The following ADGRG2 variants were observed in gnomAD, a reference collection of about 807,000 sequenced individuals.
ADGRG2 encodes adhesion G protein-coupled receptor G2.
In ADGRG2, 26 loss-of-function variants were observed where a neutral mutation model predicts 74.1. The ratio of observed to expected loss-of-function variants is 0.35; its 90% CI spans 0.26 to 0.49. The LOEUF (loss-of-function observed/expected upper bound fraction) is 0.49. ADGRG2 is among the 20% of genes least tolerant of loss of function. The probability of loss-of-function intolerance (pLI) is 0.99; values close to 1 mark genes in which losing one functional copy is unlikely to be tolerated. For missense variants in ADGRG2, 619 were observed against 763.1 expected, an observed-to-expected ratio of 0.81 and a Z score of 2.22; for synonymous variants, 296 against 295.2, an observed-to-expected ratio of 1.00 and a Z score of -0.03.
At chrX:19,052,702 T>C (rs2061344314) in intron 3 of ADGRG2, among the ~76,000 whole-genome samples, 1 of 108,699 alleles carries the variant, frequency 9.2e-6, no homozygotes, top group Non-Finnish European at 1.9e-5. Flanking sequence ...AACCTTTTTT[T>C]TTTCCAAGAT....
At position 19,084,384 on chromosome X, in the gene ADGRG2, G is replaced by A. The variant is rs145131716; in HGVS notation, c.-46-1638C>T. On this transcript the variant is annotated intron_variant, in intron 1 of 28. Transcript: ENST00000379869. ...TGCTGGGCTTAATACCTAGGTGATG[G>A]GTTGATAGGTATAGCAAATCACCAT... Among the ~76,000 whole-genome samples the A allele has an allele frequency of 6.2e-3, 688 of 110,500 alleles. 5 individuals are homozygous for A. The highest frequency in any genetic ancestry group is 0.022 in the African/African-American group (662 of 30,336).
At chrX:19,011,970 T>G (rs773534277) in intron 16 of ADGRG2, among the ~76,000 whole-genome samples, 1 of 112,543 alleles carries the variant, frequency 8.9e-6, no homozygotes, top group Admixed American at 9.4e-5. Flanking sequence ...CCACTTAACA[T>G]CCTATTATTT....
At chrX:19,044,997 T>C (rs1362866571) in intron 3 of ADGRG2, among the ~76,000 whole-genome samples, 3 of 111,620 alleles carry the variant, frequency 2.7e-5, no homozygotes, top group South Asian at 3.8e-4. Flanking sequence ...ATCTAGTCCA[T>C]GAGTTCTTAA....
intron 3 of ADGRG2, among the ~76,000 whole-genome samples, chrX:19,044,728 C>T (rs1305612951): frequency 9.0e-6 from 1 of 111,336 alleles, no homozygotes. Flanking sequence ...ATCCCCAACT[C>T]CCACCTCCAT....
intron 3 of ADGRG2, among the ~76,000 whole-genome samples, chrX:19,047,612 A>G (rs2061220374): frequency 8.9e-6 from 1 of 112,255 alleles, no homozygotes. Flanking sequence ...CCTTGCATGA[A>G]TATTTTCAAC....
intron 1 of ADGRG2, among the ~76,000 whole-genome samples, chrX:19,105,116 CT>C: frequency 9.1e-6 from 1 of 110,246 alleles, no homozygotes; most frequent in Non-Finnish European, 1.9e-5. Context: ...TTCCTTCTTT[CT>C]TTTTCTGCTG....
intron 11 of ADGRG2, among the ~76,000 whole-genome samples, chrX:19,024,896 C>T (rs762474386): frequency 1.2e-4 from 14 of 112,436 alleles, no homozygotes; most frequent in Non-Finnish European, 1.9e-5. Flanking sequence ...GATCCTCCTG[C>T]CTCAGCCTCC....
chrX:19,053,156 CT>C (rs1339029207), intron 3 of ADGRG2, among the ~76,000 whole-genome samples: 4 of 111,527 alleles, frequency 3.6e-5, no homozygotes, highest in Non-Finnish European at 7.5e-5. Context: ...CCCCTTGCCC[CT>C]GTTCCTGACA....
rs367738993 is a variant in ADGRG2 at position 19,053,350 on chromosome X, C to T, written c.119-13126G>A. 1.7e-4 allele frequency among the ~76,000 whole-genome samples: 19 copies of T among 110,483 alleles called. No homozygotes were observed. The East Asian group carries it at 3.7e-3, about 22-fold the overall frequency. On this transcript the variant is annotated intron_variant, in intron 3 of 28. Coordinates refer to ENST00000379869, the MANE Select transcript of ADGRG2 (RefSeq NM_001079858.3). Reference sequence around the variant, plus strand: ...CTAAGGTAAAAGTGAGAGGATTTTGCGGGGCGGAGGGGGGGTCACTGGGAT... The same window carrying T: ...CTAAGGTAAAAGTGAGAGGATTTTGTGGGGCGGAGGGGGGGTCACTGGGAT...
At chrX:18,993,839 C>T (rs751951042) in intron 28 of ADGRG2, among the ~76,000 whole-genome samples, 7 of 111,718 alleles carry the variant, frequency 6.3e-5, no homozygotes, top group Non-Finnish European at 1.1e-4. Context: ...GGCAAATTCT[C>T]CATGGAAGGA....
rs768959576 is a variant in ADGRG2, at chrX:19,009,834, C to T, written c.1266-52G>A. 52 of 989,097 alleles carry T rather than the reference C, an allele frequency of 5.3e-5. No individual in the cohort carries two copies. In the African/African-American group the frequency reaches 5.5e-4, roughly 10 times the overall value. 81.5% of individuals were successfully genotyped at this position (989,097 alleles called of 1,213,427 possible). A position where few individuals can be genotyped will look rare whatever the true frequency, so the allele number is the denominator to read the frequency against. On this transcript the variant is annotated intron_variant, in intron 17 of 28. Transcript: ENST00000379869. Reference sequence around the variant, plus strand: ...ATTTATTTATTTATTTATTTTGAGACGGAGTCTCGCTCTGTTGCCAGGCTG... The same window carrying T: ...ATTTATTTATTTATTTATTTTGAGATGGAGTCTCGCTCTGTTGCCAGGCTG...
chrX:18,990,885 T>A lies in ADGRG2; in HGVS notation c.3033A>T (p.Leu1011Phe), dbSNP rs779987308. 2 of 1,202,125 alleles carry A rather than the reference T, an allele frequency of 1.7e-6. No homozygotes were observed. The highest frequency in any genetic ancestry group is 1.7e-5 in the African/African-American group (1 of 57,152). Residue 1011 changes from leucine to phenylalanine, a missense_variant, in exon 29 of 29, where the codon TTA becomes TTT. Physicochemically the swap from Leu to Phe is conservative, Grantham distance 22. This residue lies in a region of ADGRG2 where 106 missense variants were observed against 104.5 expected (regional missense o/e 1.01). Transcript: ENST00000379869. ...GGAATCACATTTGCTCAATAAAGTGTAAGCTTCCCCGCTTTGAAGTCCTTC... is the reference window on the plus strand; with the variant it reads ...GGAATCACATTTGCTCAATAAAGTGAAAGCTTCCCCGCTTTGAAGTCCTTC... Reference protein sequence around the residue: ...ALRRTSKRGSLHFIEQM With the variant: ...ALRRTSKRGSFHFIEQM
intron 2 of ADGRG2, among the ~76,000 whole-genome samples, chrX:19,073,824 T>C: frequency 8.9e-6 from 1 of 111,809 alleles, no homozygotes; most frequent in Non-Finnish European, 1.9e-5. Context: ...TGACCTGAGT[T>C]ATAAGAGGTA....
chrX:19,026,306 T>C (rs750409129), intron 11 of ADGRG2, among the ~76,000 whole-genome samples: 1 of 112,694 alleles, frequency 8.9e-6, no homozygotes, highest in East Asian at 2.8e-4. Context: ...CAAAAGTTTA[T>C]AACAATCTCA....
At chrX:19,100,414 G>A (rs1213176741) in intron 1 of ADGRG2, among the ~76,000 whole-genome samples, 1 of 113,393 alleles carries the variant, frequency 8.8e-6, no homozygotes, top group Non-Finnish European at 1.9e-5. Context: ...GTAAGTGAAT[G>A]AGCGTGACTC....
chrX:19,035,963 A>G lies in ADGRG2; in HGVS notation c.241T>C (p.Leu81=). The G allele has an allele frequency of 1.0e-6, 1 of 982,723 alleles. No individual in the cohort carries two copies. The highest frequency in any genetic ancestry group is 1.4e-6 in the Non-Finnish European group (1 of 700,005). The allele number at this position is 982,723 out of a possible 1,213,427, so 81.0% of individuals were successfully genotyped here. The change falls in exon 7 of 29, where the codon TTA becomes CTA. Residue 81 remains leucine (L), a synonymous_variant. Transcript: ENST00000379869. ...TTSLNDVTLS[L]LPSNETEKTK... ...TTACCTGTTTCGTTTGAAGGGAGTA[A>G]GCTTAAAGTAACATCTGAAATAAAA...
intron 28 of ADGRG2, among the ~76,000 whole-genome samples, chrX:18,992,916 T>C (rs1227917418): frequency 8.9e-6 from 1 of 112,224 alleles, no homozygotes. Flanking sequence ...ATCTGGTTTA[T>C]GGATTCAGAG....
At chrX:19,041,449 C>T (rs935858828) in intron 3 of ADGRG2, among the ~76,000 whole-genome samples, 15 of 111,688 alleles carry the variant, frequency 1.3e-4, no homozygotes, top group Non-Finnish European at 2.8e-4. Flanking sequence ...AAATTAATTA[C>T]AAAGGGATAT....
intron 3 of ADGRG2, among the ~76,000 whole-genome samples, chrX:19,044,373 C>A (rs2061134342): frequency 9.0e-6 from 1 of 111,731 alleles, no homozygotes; most frequent in South Asian, 3.7e-4. Flanking sequence ...GACTCCTCTT[C>A]ACTTTTAAGA....
Sources: gnomAD v4.1 joint callset for allele counts (sites outside exome capture counted in the v4.1 genomes callset) on GRCh38, gnomAD v4.1.1 for gene constraint, gnomAD v4.1.1 regional missense constraint, MANE v1.5 for transcripts, NCBI Gene and HGNC (gene_info 2026-07-23, HGNC 2026-07-21) for gene names.